Variants in TANC1 observed in about 807,000 individuals in gnomAD.
TANC1 encodes the protein tetratricopeptide repeat, ankyrin repeat and coiled-coil containing 1, also known as protein TANC1.
Under a neutral mutation model 149.7 loss-of-function variants are expected in TANC1, and 77 were observed. The ratio of observed to expected loss-of-function variants is 0.51; its 90% CI spans 0.43 to 0.62. TANC1 has a LOEUF of 0.62. TANC1 is among the 20% of genes least tolerant of loss of function. The pLI is 0.00. For missense variants in TANC1, 1,985 were observed against 2,321.8 expected, an observed-to-expected ratio of 0.85 and a Z score of 2.98; for synonymous variants, 854 against 925.0, an observed-to-expected ratio of 0.92 and a Z score of 1.39.
At chr2:159,134,330 G>C (rs1574885378) in intron 4 of TANC1, among the ~76,000 whole-genome samples, 1 of 152,074 alleles carries the variant, frequency 6.6e-6, no homozygotes, top group African/African-American at 2.4e-5. Flanking sequence ...TTTGAGACAG[G>C]GTTTCACCCT....
intron 7 of TANC1, among the ~76,000 whole-genome samples, chr2:159,161,012 G>A (rs1445213079): frequency 6.6e-6 from 1 of 151,996 alleles, no homozygotes; most frequent in Non-Finnish European, 1.5e-5. Context: ...GCACAGTGTA[G>A]GGCACATGTC....
At position 159,081,259 on chromosome 2, in the gene TANC1, G is replaced by A. The variant is rs181149283; in HGVS notation, c.61+15288G>A. On this transcript the variant is annotated intron_variant, in intron 3 of 26. Transcript: ENST00000263635. ...AGTGTCCACATTCAAAATGTATAGT[G>A]TCCATCCCTCATGTAATGGTGGTTT... Among the ~76,000 whole-genome samples the A allele has an allele frequency of 4.5e-3, 689 of 152,272 alleles. 5 individuals are homozygous for A. The highest frequency in any genetic ancestry group is 0.015 in the African/African-American group (643 of 41,550).
chr2:159,178,047 T>A (rs765553928), intron 13 of TANC1, among the ~76,000 whole-genome samples: 1 of 152,266 alleles, frequency 6.6e-6, no homozygotes, highest in African/African-American at 2.4e-5. Context: ...TGCGCTGTCG[T>A]TGAGACACAG....
At chr2:159,079,573 T>G (rs1273570304) in intron 3 of TANC1, among the ~76,000 whole-genome samples, 1 of 152,110 alleles carries the variant, frequency 6.6e-6, no homozygotes, top group Non-Finnish European at 1.5e-5. Flanking sequence ...ATCTATACAA[T>G]GGGGATAATA....
chr2:159,136,992 T>C (rs1282511328), intron 5 of TANC1, among the ~76,000 whole-genome samples: 2 of 152,190 alleles, frequency 1.3e-5, no homozygotes, highest in African/African-American at 2.4e-5. Flanking sequence ...ACATCTCTCT[T>C]GCCTTTAATT....
intron 4 of TANC1, among the ~76,000 whole-genome samples, chr2:159,133,246 A>G (rs545402202): frequency 3.3e-5 from 5 of 152,118 alleles, no homozygotes; most frequent in Non-Finnish European, 5.9e-5. Context: ...CAAATGGATG[A>G]GGGCAGATGA....
chr2:159,010,192 T>C (rs535857648), intron 2 of TANC1, among the ~76,000 whole-genome samples: 1 of 152,332 alleles, frequency 6.6e-6, no homozygotes, highest in South Asian at 2.1e-4. Context: ...TTTTCTTAAA[T>C]GATAGTTATG....
chr2:159,085,149 A>C (rs1490661436), intron 3 of TANC1, among the ~76,000 whole-genome samples: 1 of 152,148 alleles, frequency 6.6e-6, no homozygotes, highest in Non-Finnish European at 1.5e-5. Context: ...GTGAGTCCTC[A>C]TGGGAATGGA....
In TANC1 at chr2:159,224,339, G is replaced by A. The variant is rs375530768; in HGVS notation, c.3786G>A (p.Ala1262=). The A allele has an allele frequency of 1.8e-4, 297 of 1,614,132 alleles. No homozygotes were observed. Among genetic ancestry groups the A allele is most frequent in the Non-Finnish European group, 2.2e-4 (263 of 1,180,022 alleles). ...IGCRNTSVVV[A]LLRKGAKLGN... is the part of the protein sequence containing the mutation. The stretch of plus-strand genomic sequence containing the variant: ...GCCGGAACACATCTGTAGTGGTGGC[G>A]CTACTCAGAAAGGGAGCCAAGTTAG... The change falls in exon 23 of 27, where the codon GCG becomes GCA. Residue 1262 remains alanine, a synonymous_variant. Coordinates refer to ENST00000263635, the MANE Select transcript of TANC1 (RefSeq NM_033394.3).
intron 2 of TANC1, among the ~76,000 whole-genome samples, chr2:159,063,435 A>G (rs1196646307): frequency 6.6e-6 from 1 of 152,202 alleles, no homozygotes; most frequent in Non-Finnish European, 1.5e-5. Context: ...GTTTAAGGCC[A>G]GAGACGATTG....
chr2:159,229,888 A>T lies in TANC1; in HGVS notation c.4462A>T (p.Ile1488Phe). The T allele has an allele frequency of 6.2e-7, 1 of 1,614,058 alleles. No individual in the cohort carries two copies. Among genetic ancestry groups the T allele is most frequent in the Non-Finnish European group, 8.5e-7 (1 of 1,180,028 alleles). Reference protein sequence around the residue: ...QPSSSVPSSYIRNLQEGLQSK... With the variant: ...QPSSSVPSSYFRNLQEGLQSK... ...ATCCTCATCTGTCCCTTCCTCATAC[A>T]TCCGAAACCTTCAAGAAGGGTTACA... is the stretch of plus-strand genomic sequence containing the variant. The change falls in exon 27 of 27, where the codon ATC becomes TTC. Residue 1488 changes from isoleucine to phenylalanine, a missense_variant. Ile to Phe is a conservative substitution (Grantham distance 21). Around this residue, in one of 3 missense-constraint regions of TANC1, gnomAD observed 920 missense variants for 994.7 expected, o/e 0.92. Transcript: ENST00000263635.
intron 2 of TANC1, among the ~76,000 whole-genome samples, chr2:159,021,632 A>G (rs1250590454): frequency 6.6e-6 from 1 of 152,186 alleles, no homozygotes; most frequent in East Asian, 1.9e-4. Flanking sequence ...AGAAAGAAAG[A>G]AAGAAAGAAA....
chr2:159,024,540 C>T (rs1313832520), intron 2 of TANC1, among the ~76,000 whole-genome samples: 2 of 152,108 alleles, frequency 1.3e-5, no homozygotes, highest in Non-Finnish European at 2.9e-5. Context: ...CACTTGAGAT[C>T]AGGAGTTCAA....
intron 4 of TANC1, among the ~76,000 whole-genome samples, chr2:159,127,716 C>CG (rs938306785): frequency 2.6e-5 from 4 of 152,050 alleles, no homozygotes; most frequent in Admixed American, 6.6e-5. Context: ...CGTCAGGGCA[C>CG]GGGGGGAGGG....
intron 11 of TANC1, among the ~76,000 whole-genome samples, chr2:159,172,920 C>T (rs2055412466): frequency 6.6e-6 from 1 of 152,166 alleles, no homozygotes; most frequent in African/African-American, 2.4e-5. Flanking sequence ...CATGGGGACA[C>T]CTTGTGAGGA....
intron 2 of TANC1, among the ~76,000 whole-genome samples, chr2:159,041,661 A>G (rs2040644907): frequency 6.6e-6 from 1 of 152,182 alleles, no homozygotes; most frequent in Non-Finnish European, 1.5e-5. Context: ...TTAGGGTGGT[A>G]GTGTCCCGAT....
chr2:159,075,363 T>C (rs985657624), intron 3 of TANC1, among the ~76,000 whole-genome samples: 17 of 151,370 alleles, frequency 1.1e-4, no homozygotes, highest in African/African-American at 3.9e-4. Context: ...AGCCTAGGCG[T>C]TCAAGACCAG....
At chr2:159,098,814 T>C (rs901423842) in intron 4 of TANC1, among the ~76,000 whole-genome samples, 2 of 151,656 alleles carry the variant, frequency 1.3e-5, no homozygotes, top group African/African-American at 2.4e-5. Flanking sequence ...ATACCTTGAG[T>C]TTTAAAAATT....
intron 16 of TANC1, among the ~76,000 whole-genome samples, chr2:159,188,711 T>C (rs1011947528): frequency 1.3e-5 from 2 of 152,252 alleles, no homozygotes; most frequent in Admixed American, 6.5e-5. Context: ...GTGTACTTAG[T>C]GGGAATGCTG....
Sources: allele counts gnomAD v4.1 joint callset (sites outside exome capture counted in the v4.1 genomes callset), GRCh38; gene constraint gnomAD v4.1.1; regional missense constraint gnomAD v4.1.1; transcripts MANE v1.5; gene names NCBI Gene and HGNC (gene_info 2026-07-23, HGNC 2026-07-21).